The following ST3GAL5 variants were observed in gnomAD, a reference collection of about 807,000 sequenced individuals.
ST3GAL5 encodes the protein lactosylceramide alpha-2,3-sialyltransferase.
ST3GAL5 carries 25 observed loss-of-function variants against 46.1 expected under a neutral mutation model. That is an observed-to-expected ratio of 0.54 (90% CI 0.40 to 0.76). ST3GAL5 has a LOEUF of 0.76. Among genes scored for constraint, ST3GAL5 ranks in the 30% least tolerant of loss-of-function variants. The pLI is 0.00. For missense variants in ST3GAL5, 431 were observed against 521.2 expected (o/e 0.83, Z 1.69); for synonymous variants, 182 against 192.7 (o/e 0.94, Z 0.46).
intron 1 of ST3GAL5, among the ~76,000 whole-genome samples, chr2:85,873,562 G>A (rs973627438): frequency 4.6e-5 from 7 of 152,036 alleles, no homozygotes; most frequent in Non-Finnish European, 8.8e-5. Context: ...CAGATGAGGC[G>A]AGAGTCAAGG....
chr2:85,872,478 G>A (rs1455414194), intron 1 of ST3GAL5, among the ~76,000 whole-genome samples: 1 of 152,058 alleles, frequency 6.6e-6, no homozygotes, highest in African/African-American at 2.4e-5. Flanking sequence ...AGCTACTTGG[G>A]AGGCTGAGGC....
chr2:85,840,411 G>C lies in ST3GAL5; in HGVS notation c.1009-19C>G. 1 of 1,613,564 alleles carries C rather than the reference G, an allele frequency of 6.2e-7. No individual in the cohort carries two copies. The highest frequency in any genetic ancestry group is 8.5e-7 in the Non-Finnish European group (1 of 1,179,768). ...GGACGTTCTGAGAAAGGGAAAAGAAGACCAAAAAGTAAAAAAAAATTTTGG... is the reference window on the plus strand; with the variant it reads ...GGACGTTCTGAGAAAGGGAAAAGAACACCAAAAAGTAAAAAAAAATTTTGG... On this transcript the variant is annotated intron_variant, in intron 6 of 6. Transcript: ENST00000638572.
chr2:85,880,635 C>G (rs529664959), intron 1 of ST3GAL5, among the ~76,000 whole-genome samples: 5 of 152,132 alleles, frequency 3.3e-5, no homozygotes, highest in African/African-American at 1.2e-4. Context: ...ACCAGCCTGA[C>G]CAACATGGCA....
At chr2:85,851,401 C>G in intron 3 of ST3GAL5, 1 of 1,193,260 alleles carries the variant, frequency 8.4e-7, no homozygotes, top group Non-Finnish European at 1.1e-6. Context: ...TTTAACAGAT[C>G]TCCACTGATT....
Position 85,868,380 on chromosome 2 carries a change from C to T in ST3GAL5, c.83-4895G>A, listed in dbSNP as rs551706854. Among the ~76,000 whole-genome samples, 24 of 152,256 alleles carry T rather than the reference C, an allele frequency of 1.6e-4. No homozygotes were observed. In the East Asian group the frequency reaches 3.9e-3, roughly 24 times the overall value. ...ACAGTGGTGTGATCACAGCTCACTG[C>T]GGCCTCAACCTCCTAGGCTCAGGCC... On this transcript the variant is annotated intron_variant, in intron 1 of 6. Transcript: ENST00000638572.
intron 1 of ST3GAL5, among the ~76,000 whole-genome samples, chr2:85,885,826 A>C (rs926795916): frequency 6.6e-6 from 1 of 151,912 alleles, no homozygotes; most frequent in Admixed American, 6.6e-5. Flanking sequence ...CTGTCTCAAA[A>C]AAAAAAAAAA....
chr2:85,876,610 G>A lies in ST3GAL5; in HGVS notation c.82+12214C>T, dbSNP rs190505872. ...CCAGAGTAGCTGGGATTATAGGTGC[G>A]TGCCACCGCACCCAGCTAATTTTTG... On this transcript the variant is annotated intron_variant, in intron 1 of 6. Transcript: ENST00000638572. 5.1e-3 allele frequency among the ~76,000 whole-genome samples: 779 copies of A among 151,960 alleles called. 10 individuals are homozygous for A. Among genetic ancestry groups the A allele is most frequent in the African/African-American group, 0.017 (721 of 41,436 alleles).
chr2:85,851,465 G>A, intron 3 of ST3GAL5: 1 of 1,252,728 alleles, frequency 8.0e-7, no homozygotes, highest in South Asian at 1.3e-5. Flanking sequence ...CCATCTCATA[G>A]CCACTCAGAA....
intron 1 of ST3GAL5, chr2:85,887,283 C>T (rs1259223010): frequency 6.6e-6 from 1 of 152,194 alleles, no homozygotes; most frequent in Non-Finnish European, 1.5e-5. Flanking sequence ...TGATAACATG[C>T]AACAATTTAC....
intron 3 of ST3GAL5, chr2:85,851,672 G>A (rs769936005): frequency 7.8e-7 from 1 of 1,289,420 alleles, no homozygotes; most frequent in South Asian, 1.2e-5. Flanking sequence ...TCAGAAGAAA[G>A]TGCCTCAAGG....
chr2:85,848,259 T>A (rs895373016), intron 3 of ST3GAL5, 55 bp from the exon 4 acceptor site: 41 of 1,612,916 alleles, frequency 2.5e-5, no homozygotes, highest in Non-Finnish European at 3.2e-5. Context: ...ATTAAAAATA[T>A]ACTCTTCTAG....
intron 3 of ST3GAL5, among the ~76,000 whole-genome samples, chr2:85,851,899 A>C (rs1054339812): frequency 6.6e-6 from 1 of 152,264 alleles, no homozygotes; most frequent in African/African-American, 2.4e-5. Flanking sequence ...TAAAGGTTTC[A>C]GTTTTTAACA....
At chr2:85,844,705 C>G in intron 5 of ST3GAL5, 151 bp from the exon 6 acceptor site, 1 of 1,049,174 alleles carries the variant, frequency 9.5e-7, no homozygotes, top group South Asian at 1.4e-5. Context: ...GCAAAAGCTA[C>G]GCAAATCCGG....
chr2:85,870,060 T>C, intron 1 of ST3GAL5: 2 of 385,740 alleles, frequency 5.2e-6, no homozygotes, highest in Non-Finnish European at 5.4e-6. Context: ...ACTACAGACA[T>C]GCCCTACTTA....
At chr2:85,883,091 T>C (rs1687357021) in intron 1 of ST3GAL5, among the ~76,000 whole-genome samples, 3 of 152,044 alleles carry the variant, frequency 2.0e-5, no homozygotes, top group Non-Finnish European at 2.9e-5. Context: ...GAAGGCACGA[T>C]TGGTTTTGAA....
intron 5 of ST3GAL5, 89 bp from the exon 6 acceptor site, chr2:85,844,643 A>G: frequency 6.4e-7 from 1 of 1,573,494 alleles, no homozygotes; most frequent in Non-Finnish European, 8.7e-7. Context: ...TGTGGGTGTG[A>G]CCCCATGTGG....
intron 1 of ST3GAL5, among the ~76,000 whole-genome samples, chr2:85,873,851 C>T (rs1012609925): frequency 1.3e-5 from 2 of 152,196 alleles, no homozygotes; most frequent in East Asian, 3.8e-4. Context: ...CACTTCATCC[C>T]CAGAATGTCC....
intron 1 of ST3GAL5, among the ~76,000 whole-genome samples, chr2:85,878,411 A>G (rs1483220318): frequency 6.6e-6 from 1 of 152,210 alleles, no homozygotes; most frequent in Non-Finnish European, 1.5e-5. Context: ...AGCCTCATTC[A>G]AGGTGCATTC....
chr2:85,862,499 T>TA (rs61164697), intron 2 of ST3GAL5, among the ~76,000 whole-genome samples: 44,030 of 150,238 alleles, frequency 0.29, 6,945 homozygotes, highest in East Asian at 0.54. Flanking sequence ...TATTTTGATT[T>TA]AAAAAAAAAA....
Sources: gnomAD v4.1 joint callset for allele counts (sites outside exome capture counted in the v4.1 genomes callset) on GRCh38, gnomAD v4.1.1 for gene constraint, MANE v1.5 for transcripts, NCBI Gene and HGNC (gene_info 2026-07-23, HGNC 2026-07-21) for gene names.